TNNI3K: variants seen among roughly 807,000 people sequenced by gnomAD.
The protein encoded by TNNI3K is TNNI3 interacting kinase, also known as serine/threonine-protein kinase TNNI3K.
In TNNI3K, 140 loss-of-function variants were observed where a neutral mutation model predicts 114.5. That is an observed-to-expected ratio of 1.22 (90% CI 1.07 to 1.41). The LOEUF (loss-of-function observed/expected upper bound fraction) is 1.41, where lower values mean the gene tolerates loss of function less well. Among genes scored for constraint, TNNI3K ranks in the 40% most tolerant of loss-of-function variants. The pLI is 0.00. For missense variants in TNNI3K, 1,125 were observed against 1,007.6 expected (o/e 1.12, Z -1.58); for synonymous variants, 347 against 347.5 (o/e 1.00, Z 0.02).
chr1:74,526,696 C>T (rs778072274), intron 23 of TNNI3K, among the ~76,000 whole-genome samples: 10 of 152,046 alleles, frequency 6.6e-5, no homozygotes, highest in Non-Finnish European at 1.5e-4. Context: ...CATTCCTCTC[C>T]TAGGAGAAGC....
chr1:74,498,282 C>T (rs1450614539), intron 23 of TNNI3K, among the ~76,000 whole-genome samples: 2 of 152,062 alleles, frequency 1.3e-5, no homozygotes, highest in Admixed American at 6.6e-5. Context: ...TATTAACCAG[C>T]CTTCAGTAAT....
chr1:74,373,072 A>T (rs556043138), intron 17 of TNNI3K: 2 of 151,994 alleles, frequency 1.3e-5, no homozygotes, highest in Admixed American at 1.3e-4. Context: ...TGTTTTTCAG[A>T]TGCATGCATA....
chr1:74,486,158 T>C (rs1248886852), intron 21 of TNNI3K, among the ~76,000 whole-genome samples: 1 of 151,080 alleles, frequency 6.6e-6, no homozygotes, highest in Non-Finnish European at 1.5e-5. Flanking sequence ...TTTAATTGTT[T>C]CCTAAAATGC....
At chr1:74,274,817 A>G (rs1415756020) in intron 5 of TNNI3K, among the ~76,000 whole-genome samples, 1 of 152,074 alleles carries the variant, frequency 6.6e-6, no homozygotes, top group Non-Finnish European at 1.5e-5. Flanking sequence ...CTGACATTAA[A>G]TGTGCTCAGA....
intron 17 of TNNI3K, among the ~76,000 whole-genome samples, chr1:74,422,708 T>A (rs1171179042): frequency 6.6e-6 from 1 of 152,112 alleles, no homozygotes; most frequent in Non-Finnish European, 1.5e-5. Context: ...CTTTATAAGA[T>A]TCTTGTTTCC....
In TNNI3K at chr1:74,369,049, C is replaced by A. The variant is rs1365720705; in HGVS notation, c.1349C>A (p.Ala450Asp). 1 of 1,608,720 alleles carries A rather than the reference C, an allele frequency of 6.2e-7. No homozygotes were observed. Among genetic ancestry groups the A allele is most frequent in the Non-Finnish European group, 8.5e-7 (1 of 1,177,906 alleles). ...KEKADILLLR[A>D]GLPSHFHLQL... Reference sequence around the variant, plus strand: ...AAGGCAGATATTCTCCTCCTAAGAGCTGGATTGCCTTCACATTTCCATCTT... The same window carrying A: ...AAGGCAGATATTCTCCTCCTAAGAGATGGATTGCCTTCACATTTCCATCTT... The change falls in exon 14 of 25, where the codon GCT (alanine) becomes GAT (aspartate). Residue 450 changes from alanine to aspartate, a missense_variant. Coordinates refer to ENST00000326637, the MANE Select transcript of TNNI3K (RefSeq NM_015978.3).
At chr1:74,356,123 G>T (rs1426519308) in intron 11 of TNNI3K, among the ~76,000 whole-genome samples, 5 of 152,154 alleles carry the variant, frequency 3.3e-5, no homozygotes, top group African/African-American at 9.7e-5. Flanking sequence ...TAAATGAAAT[G>T]CTATGCTATG....
chr1:74,381,888 A>G (rs973455797), intron 17 of TNNI3K, among the ~76,000 whole-genome samples: 7 of 152,236 alleles, frequency 4.6e-5, no homozygotes, highest in African/African-American at 1.4e-4. Context: ...TTTATTTGGA[A>G]ACATAATGGC....
intron 24 of TNNI3K, among the ~76,000 whole-genome samples, chr1:74,541,863 CTTT>C (rs1396311171): frequency 6.6e-6 from 1 of 152,170 alleles, no homozygotes; most frequent in Non-Finnish European, 1.5e-5. Flanking sequence ...TTTAATTGCC[CTTT>C]ATTCTATTTC....
chr1:74,417,529 C>T (rs991878935), intron 17 of TNNI3K, among the ~76,000 whole-genome samples: 5 of 152,058 alleles, frequency 3.3e-5, no homozygotes, highest in Non-Finnish European at 7.4e-5. Flanking sequence ...ATCTCTCAGC[C>T]TTCTTCTGCT....
rs546222927 is a variant in TNNI3K, at chr1:74,295,667, GC to G, written c.444+23961del. On this transcript the variant is annotated intron_variant, in intron 5 of 24. Coordinates refer to ENST00000326637, the MANE Select transcript of TNNI3K (RefSeq NM_015978.3). ...CTTTATCTTTTAGCAATATCACTAT[GC>G]CAGCTTTCTTTTGAATAGTGTTTGC... is the stretch of plus-strand genomic sequence containing the variant. Among the ~76,000 whole-genome samples, 14 of 151,940 alleles carry G rather than the reference GC, an allele frequency of 9.2e-5. No homozygotes were observed. In the East Asian group the frequency reaches 1.7e-3, roughly 19 times the overall value.
At chr1:74,394,876 C>T (rs1009126384) in intron 17 of TNNI3K, among the ~76,000 whole-genome samples, 1 of 152,060 alleles carries the variant, frequency 6.6e-6, no homozygotes. Flanking sequence ...AACCCCGTCT[C>T]TACTAAAAAT....
intron 9 of TNNI3K, among the ~76,000 whole-genome samples, chr1:74,346,828 C>T (rs1367965484): frequency 6.6e-6 from 1 of 151,724 alleles, no homozygotes; most frequent in African/African-American, 2.4e-5. Context: ...AGCCTCTTCC[C>T]TTGGCTTGCA....
intron 9 of TNNI3K, among the ~76,000 whole-genome samples, chr1:74,349,951 T>C (rs1480793101): frequency 1.3e-5 from 2 of 152,114 alleles, no homozygotes; most frequent in African/African-American, 4.8e-5. Context: ...TTTTGAAGGG[T>C]TTTTTGTGTC....
At chr1:74,538,798 G>T (rs1646691502) in intron 23 of TNNI3K, among the ~76,000 whole-genome samples, 1 of 152,156 alleles carries the variant, frequency 6.6e-6, no homozygotes, top group South Asian at 2.1e-4. Flanking sequence ...AAATGCAGAA[G>T]CTCTGAATTG....
intron 5 of TNNI3K, among the ~76,000 whole-genome samples, chr1:74,274,048 C>A (rs1277484314): frequency 1.3e-5 from 2 of 151,760 alleles, no homozygotes; most frequent in Non-Finnish European, 2.9e-5. Flanking sequence ...TTTGACTACC[C>A]TAAAACTTAA....
At chr1:74,427,947 T>C (rs1467572901) in intron 17 of TNNI3K, among the ~76,000 whole-genome samples, 2 of 152,028 alleles carry the variant, frequency 1.3e-5, no homozygotes, top group African/African-American at 4.8e-5. Context: ...ATGAGGTTTT[T>C]TTTTTTTCAC....
chr1:74,378,944 A>C (rs901298071), intron 17 of TNNI3K: 4 of 151,964 alleles, frequency 2.6e-5, no homozygotes, highest in Non-Finnish European at 4.4e-5. Context: ...TGAATCAGTT[A>C]TACAAATATA....
chr1:74,245,249 G>A (rs1325228077), intron 2 of TNNI3K, among the ~76,000 whole-genome samples: 3 of 152,186 alleles, frequency 2.0e-5, no homozygotes, highest in Non-Finnish European at 4.4e-5. Context: ...GACTGGGTCA[G>A]ATTTCACAGA....
Sources: gnomAD v4.1 joint callset for allele counts (sites outside exome capture counted in the v4.1 genomes callset) on GRCh38, gnomAD v4.1.1 for gene constraint, MANE v1.5 for transcripts, NCBI Gene and HGNC (gene_info 2026-07-23, HGNC 2026-07-21) for gene names.